Variants in PHOSPHO2 observed in about 807,000 individuals in gnomAD.
The protein encoded by PHOSPHO2 is phosphatase, orphan 2, also known as pyridoxal phosphate phosphatase PHOSPHO2.
A neutral mutation model predicts 16.4 loss-of-function variants in PHOSPHO2; 14 were observed. The observed-to-expected ratio is 0.85, with a 90% CI of 0.56 to 1.33. The LOEUF (loss-of-function observed/expected upper bound fraction) is 1.33, where lower values mean the gene tolerates loss of function less well. Among genes scored for constraint, PHOSPHO2 ranks in the 40% most tolerant of loss-of-function variants. The pLI is 0.00. For missense variants in PHOSPHO2, 246 were observed against 282.5 expected, an observed-to-expected ratio of 0.87 and a Z score of 0.93; for synonymous variants, 85 against 90.5, an observed-to-expected ratio of 0.94 and a Z score of 0.34.
At chr2:169,696,092 A>G (rs893093312) in intron 2 of PHOSPHO2, among the ~76,000 whole-genome samples, 1 of 152,072 alleles carries the variant, frequency 6.6e-6, no homozygotes, top group Non-Finnish European at 1.5e-5. Context: ...ATTGAATCTC[A>G]TGATTTGATG....
chr2:169,695,659 A>C (rs994524199), intron 2 of PHOSPHO2, among the ~76,000 whole-genome samples: 4 of 151,978 alleles, frequency 2.6e-5, no homozygotes, highest in African/African-American at 9.7e-5. Context: ...AAGTTTCAAG[A>C]ACTGGGAAGG....
At chr2:169,695,881 G>T (rs576445596) in intron 2 of PHOSPHO2, among the ~76,000 whole-genome samples, 1 of 152,182 alleles carries the variant, frequency 6.6e-6, no homozygotes, top group Non-Finnish European at 1.5e-5. Flanking sequence ...CAGGAAAGGA[G>T]CCCTGAGCTT....
At chr2:169,695,707 C>T (rs536468558) in intron 2 of PHOSPHO2, among the ~76,000 whole-genome samples, 2 of 152,206 alleles carry the variant, frequency 1.3e-5, no homozygotes, top group East Asian at 3.9e-4. Context: ...CTAACTTAGC[C>T]TGGCAGTTTC....
chr2:169,698,494 T>C (rs1007615838), intron 3 of PHOSPHO2, among the ~76,000 whole-genome samples: 10 of 152,202 alleles, frequency 6.6e-5, no homozygotes, highest in Non-Finnish European at 1.3e-4. Flanking sequence ...AGGATAATAA[T>C]GATTCCTACT....
At chr2:169,696,624 A>T (rs1330178010) in intron 2 of PHOSPHO2, among the ~76,000 whole-genome samples, 1 of 152,252 alleles carries the variant, frequency 6.6e-6, no homozygotes, top group African/African-American at 2.4e-5. Context: ...GACATACCAA[A>T]TAGACATAGA....
chr2:169,701,472 GGGAGT>G lies in PHOSPHO2; in HGVS notation c.503_507del (p.Gly168GlufsTer10). 1 of 1,612,652 alleles carries G rather than the reference GGGAGT, an allele frequency of 6.2e-7. No homozygotes were observed. Among genetic ancestry groups the G allele is most frequent in the Non-Finnish European group, 8.5e-7 (1 of 1,179,600 alleles). ...AATTTGTAGATAAACAGTTACAACA[GGGAGT>G]GAATTATACACAAATTGTTTATATT... On this transcript the variant is annotated frameshift_variant, in exon 4 of 4. Coordinates refer to ENST00000359744, the MANE Select transcript of PHOSPHO2 (RefSeq NM_001008489.4). LOFTEE classifies it high-confidence loss of function.
In PHOSPHO2 at chr2:169,701,400, T is replaced by G; in HGVS notation, c.429T>G (p.Ser143=). 1 of 1,613,656 alleles carries G rather than the reference T, an allele frequency of 6.2e-7. No individual in the cohort carries two copies. Among genetic ancestry groups the G allele is most frequent in the Non-Finnish European group, 8.5e-7 (1 of 1,179,930 alleles). ...HLTVENYHTH[S]CNRCPKNLCK... ...CTGTTGAAAATTATCATACTCATTC[T>G]TGCAATAGATGCCCAAAGAATCTTT... is the stretch of plus-strand genomic sequence containing the variant. Residue 143 remains serine (S), a synonymous_variant, in exon 4 of 4, where the codon TCT becomes TCG. Coordinates refer to ENST00000359744, the MANE Select transcript of PHOSPHO2 (RefSeq NM_001008489.4).
chr2:169,701,413 C>A lies in PHOSPHO2; in HGVS notation c.442C>A (p.Pro148Thr). 6.2e-7 allele frequency: 1 copy of A among 1,613,088 alleles called. No individual in the cohort carries two copies. The highest frequency in any genetic ancestry group is 8.5e-7 in the Non-Finnish European group (1 of 1,179,808). The change falls in exon 4 of 4, where the codon CCA becomes ACA. Residue 148 changes from proline to threonine, a missense_variant. Pro to Thr is a conservative substitution (Grantham distance 38). Coordinates refer to ENST00000359744, the MANE Select transcript of PHOSPHO2 (RefSeq NM_001008489.4). ...TCATACTCATTCTTGCAATAGATGC[C>A]CAAAGAATCTTTGCAAAAAGGTAGT... The part of the protein sequence containing the change: ...NYHTHSCNRC[P>T]KNLCKKVVLI...
chr2:169,694,718 C>T (rs917258585), intron 1 of PHOSPHO2, 96 bp downstream of exon 1: 11 of 330,610 alleles, frequency 3.3e-5, no homozygotes, highest in African/African-American at 2.1e-4. Context: ...GGTCCGATGC[C>T]TACCCTCGGG....
intron 3 of PHOSPHO2, among the ~76,000 whole-genome samples, chr2:169,699,396 A>G (rs1687666755): frequency 6.6e-6 from 1 of 152,028 alleles, no homozygotes; most frequent in South Asian, 2.1e-4. Flanking sequence ...GTGTATAAGT[A>G]CCTCATTTTC....
At position 169,694,471 on chromosome 2, in the gene PHOSPHO2, A is replaced by C. The variant is rs879513522; in HGVS notation, c.-382A>C. 4 of 776,556 alleles carry C rather than the reference A, an allele frequency of 5.2e-6. No homozygotes were observed. The highest frequency in any genetic ancestry group is 2.0e-5 in the Admixed American group (1 of 49,700). The allele number at this position is 776,556 out of a possible 1,614,324, so 48.1% of individuals were successfully genotyped here. On this transcript the variant is annotated 5_prime_UTR_variant, in exon 1 of 4. Coordinates refer to ENST00000359744, the MANE Select transcript of PHOSPHO2 (RefSeq NM_001008489.4). The stretch of plus-strand genomic sequence containing the variant: ...AGCCGAGGAACAAGGGAGGTGCTGC[A>C]GTTGGCGGTCGGGCTAGAGAAGAGA...
rs1558931995 is a variant in PHOSPHO2, at chr2:169,701,354, T to C, written c.383T>C (p.Phe128Ser). The C allele has an allele frequency of 6.2e-7, 1 of 1,613,520 alleles. No homozygotes were observed. The highest frequency in any genetic ancestry group is 2.2e-5 in the East Asian group (1 of 44,854). Residue 128 changes from phenylalanine to serine, a missense_variant, in exon 4 of 4, where the codon TTT becomes TCT. Physicochemically the swap from Phe to Ser is radical, Grantham distance 155. Coordinates refer to ENST00000359744, the MANE Select transcript of PHOSPHO2 (RefSeq NM_001008489.4). ...AAAGTGTTTACAAATCCAGCAGCTT[T>C]TAATAGCAATGGTCATCTCACTGTT... ...FDKVFTNPAA[F>S]NSNGHLTVEN...
intron 3 of PHOSPHO2, among the ~76,000 whole-genome samples, chr2:169,699,580 G>A (rs1022232882): frequency 2.6e-5 from 4 of 152,060 alleles, no homozygotes; most frequent in Admixed American, 6.5e-5. Context: ...CTGCCTCTAC[G>A]TCTTTGAGGA....
At chr2:169,695,532 G>A (rs1411134406) in intron 2 of PHOSPHO2, among the ~76,000 whole-genome samples, 2 of 152,168 alleles carry the variant, frequency 1.3e-5, no homozygotes, top group Admixed American at 6.5e-5. Flanking sequence ...AGGTACTCTG[G>A]AGGCTGAGGC....
At position 169,694,520 on chromosome 2, in the gene PHOSPHO2, C is replaced by T. The variant is rs2105585394; in HGVS notation, c.-333C>T. 1.5e-6 allele frequency: 1 copy of T among 645,394 alleles called. No individual in the cohort carries two copies. Among genetic ancestry groups the T allele is most frequent in the Non-Finnish European group, 2.8e-6 (1 of 359,720 alleles). The allele number at this position is 645,394 out of a possible 1,614,324, so 40.0% of individuals were successfully genotyped here. A position where few individuals can be genotyped will look rare whatever the true frequency, so the allele number is the denominator to read the frequency against. ...GAGGCGCCTGCGCTTGCGAGCTGGGCTTGTGAGTGGGGCTGCCGAGAGGGC... is the reference window on the plus strand; with the variant it reads ...GAGGCGCCTGCGCTTGCGAGCTGGGTTTGTGAGTGGGGCTGCCGAGAGGGC... On this transcript the variant is annotated 5_prime_UTR_variant, in exon 1 of 4. Coordinates refer to ENST00000359744, the MANE Select transcript of PHOSPHO2 (RefSeq NM_001008489.4).
intron 2 of PHOSPHO2, among the ~76,000 whole-genome samples, chr2:169,695,662 T>G (rs1687500068): frequency 6.6e-6 from 1 of 150,722 alleles, no homozygotes; most frequent in African/African-American, 2.4e-5. Context: ...TTTCAAGAAC[T>G]GGGAAGGAAC....
intron 3 of PHOSPHO2, among the ~76,000 whole-genome samples, chr2:169,699,201 G>C (rs1687657962): frequency 6.7e-6 from 1 of 149,852 alleles, no homozygotes. Flanking sequence ...AGGTCCCAGG[G>C]TATGTTATTC....
At chr2:169,697,961 A>G (rs902064364) in intron 3 of PHOSPHO2, 1 of 152,194 alleles carries the variant, frequency 6.6e-6, no homozygotes, top group Non-Finnish European at 1.5e-5. Context: ...AAAACTATGT[A>G]CCAGCCACAT....
chr2:169,695,267 G>A lies in PHOSPHO2; in HGVS notation c.-198+20G>A, dbSNP rs1165019918. On this transcript the variant is annotated intron_variant, in intron 2 of 3. Transcript: ENST00000359744. ...ATGCTGGTAAGTATGGAATAATTAA[G>A]AAAATATTTGAAGACAGAAATTAGT... The A allele has an allele frequency of 2.0e-5, 3 of 152,230 alleles. No individual in the cohort carries two copies. The East Asian group carries it at 5.8e-4, about 29-fold the overall frequency. 9.4% of individuals were successfully genotyped at this position (152,230 alleles called of 1,614,324 possible). A position where few individuals can be genotyped will look rare whatever the true frequency, so the allele number is the denominator to read the frequency against.
Sources: allele counts gnomAD v4.1 joint callset (sites outside exome capture counted in the v4.1 genomes callset), GRCh38; gene constraint gnomAD v4.1.1; transcripts MANE v1.5; gene names NCBI Gene and HGNC (gene_info 2026-07-23, HGNC 2026-07-21).